Variants in DENND5A observed in about 807,000 individuals in gnomAD.
The protein encoded by DENND5A is DENN domain containing 5A, also known as DENN domain-containing protein 5A.
In DENND5A, 64 loss-of-function variants were observed where a neutral mutation model predicts 140.3. The observed-to-expected ratio is 0.46, with a 90% CI of 0.37 to 0.56. The LOEUF (loss-of-function observed/expected upper bound fraction) is 0.56, where lower values mean the gene tolerates loss of function less well. Ranked by LOEUF, DENND5A falls within the 20% of genes least tolerant of loss-of-function variation. The pLI is 0.00. For missense variants in DENND5A, 1,292 were observed against 1,593.8 expected (o/e 0.81, Z 3.22); for synonymous variants, 605 against 607.7 (o/e 1.00, Z 0.07).
rs568548960 is a variant in DENND5A, at chr11:9,192,946, C to T, written c.1137+548G>A. ...ATTTTAAATCAATTCTTTTCTTAGCCAGGCACAGTGGCTCATGCCTATAAT... is the reference window on the plus strand; with the variant it reads ...ATTTTAAATCAATTCTTTTCTTAGCTAGGCACAGTGGCTCATGCCTATAAT... On this transcript the variant is annotated intron_variant, in intron 5 of 22. Coordinates refer to ENST00000328194, the MANE Select transcript of DENND5A (RefSeq NM_015213.4). Among the ~76,000 whole-genome samples the T allele has an allele frequency of 6.9e-4, 105 of 152,326 alleles. 2 individuals carry two copies. Among genetic ancestry groups the T allele is most frequent in the Non-Finnish European group, 1.3e-3 (86 of 68,028 alleles).
chr11:9,249,041 C>T (rs1247512789), intron 1 of DENND5A, among the ~76,000 whole-genome samples: 3 of 152,062 alleles, frequency 2.0e-5, no homozygotes, highest in African/African-American at 4.8e-5. Flanking sequence ...TCCTGGCTAA[C>T]GTGGTGAAAC....
chr11:9,229,993 C>T (rs947034098), intron 1 of DENND5A, among the ~76,000 whole-genome samples: 1 of 147,444 alleles, frequency 6.8e-6, no homozygotes, highest in African/African-American at 2.5e-5. Flanking sequence ...CAAGCTCCAC[C>T]TCCCGGGTTC....
At chr11:9,224,843 G>A (rs1351269930) in intron 1 of DENND5A, among the ~76,000 whole-genome samples, 1 of 139,904 alleles carries the variant, frequency 7.1e-6, no homozygotes, top group Non-Finnish European at 1.5e-5. Flanking sequence ...GGGCAACAGA[G>A]CAAGACTCCA....
chr11:9,215,152 T>C (rs1428863981), intron 1 of DENND5A, among the ~76,000 whole-genome samples: 2 of 152,212 alleles, frequency 1.3e-5, no homozygotes, highest in Non-Finnish European at 2.9e-5. Flanking sequence ...GTTCACTCTC[T>C]TTCTCAATAC....
At chr11:9,234,599 C>T (rs541526568) in intron 1 of DENND5A, among the ~76,000 whole-genome samples, 2 of 152,308 alleles carry the variant, frequency 1.3e-5, no homozygotes, top group East Asian at 3.9e-4. Context: ...TTCGCGATGG[C>T]CCTGACGCCC....
chr11:9,139,722 C>T lies in DENND5A; in HGVS notation c.3813G>A (p.Gln1271=). Residue 1271 remains glutamine, a synonymous_variant, in exon 23 of 23, where the codon CAG becomes CAA. Transcript: ENST00000328194. ...ACGTCTCCAGCGTGATGTTGAACTC[C>T]TGCAATGTCTGCAGCACACGAATCA... ...NSLIRVLQTL[Q]EFNITLETSL... 2 of 1,614,016 alleles carry T rather than the reference C, an allele frequency of 1.2e-6. No individual in the cohort carries two copies. Among genetic ancestry groups the T allele is most frequent in the Non-Finnish European group, 1.7e-6 (2 of 1,180,008 alleles).
At chr11:9,243,460 G>C (rs983639800) in intron 1 of DENND5A, among the ~76,000 whole-genome samples, 5 of 152,072 alleles carry the variant, frequency 3.3e-5, no homozygotes, top group Non-Finnish European at 7.4e-5. Context: ...CTTATACATA[G>C]ATTTTCTTCC....
rs546995925 is a variant in DENND5A at position 9,195,184 on chromosome 11, G to A, written c.950-1503C>T. Among the ~76,000 whole-genome samples the A allele has an allele frequency of 2.0e-5, 3 of 151,082 alleles. No individual in the cohort carries two copies. The South Asian group carries it at 6.3e-4, about 32-fold the overall frequency. The stretch of plus-strand genomic sequence containing the variant: ...CAACCTCCACCTCCCGGGTTTAAGC[G>A]ATTCTCCTGCCTCAGCCTCCTGAGT... On this transcript the variant is annotated intron_variant, in intron 4 of 22. Transcript: ENST00000328194.
At chr11:9,237,387 A>G (rs1851048607) in intron 1 of DENND5A, among the ~76,000 whole-genome samples, 1 of 152,044 alleles carries the variant, frequency 6.6e-6, no homozygotes, top group Admixed American at 6.6e-5. Flanking sequence ...GTACCACTGC[A>G]CTCCAGCCTG....
chr11:9,160,730 C>T lies in DENND5A; in HGVS notation c.2419G>A (p.Gly807Arg). 1 of 1,612,890 alleles carries T rather than the reference C, an allele frequency of 6.2e-7. No homozygotes were observed. Residue 807 changes from glycine (G) to arginine (R), a missense_variant, in exon 12 of 23, where the codon GGA (glycine) becomes AGA (arginine). By Grantham distance (125) the Gly-to-Arg change is moderately radical. Around this residue, in one of 4 missense-constraint regions of DENND5A, gnomAD observed 498 missense variants for 689.7 expected, o/e 0.72. Transcript: ENST00000328194. The part of the protein sequence containing the change: ...CDLLERIWSH[G>R]LQVKQGKSAL... ...TACATTACCTGTTTCACTTGTAGTC[C>T]ATGACTCCAGATCCTTTCCAGGAGA...
chr11:9,248,763 T>C (rs1024908498), intron 1 of DENND5A, among the ~76,000 whole-genome samples: 1 of 152,150 alleles, frequency 6.6e-6, no homozygotes, highest in Non-Finnish European at 1.5e-5. Flanking sequence ...ATTTTACTTT[T>C]GGTTTACACA....
Position 9,145,104 on chromosome 11 carries a change from A to G in DENND5A, c.3013T>C (p.Leu1005=), listed in dbSNP as rs151179105. 4.3e-5 allele frequency: 69 copies of G among 1,611,210 alleles called. No individual in the cohort carries two copies. In the African/African-American group the frequency reaches 8.7e-4, roughly 20 times the overall value. The change falls in exon 18 of 23, where the codon TTG becomes CTG. Residue 1005 remains leucine (L), a synonymous_variant. Transcript: ENST00000328194. ...VLEMTFECQN[L]GKLTTVQIGH... Reference sequence around the variant, plus strand: ...ATCTGGACAGTAGTAAGCTTCCCCAAGTTCTGGCACTATTAGAGAATAGAG... The same window carrying G: ...ATCTGGACAGTAGTAAGCTTCCCCAGGTTCTGGCACTATTAGAGAATAGAG...
intron 1 of DENND5A, among the ~76,000 whole-genome samples, chr11:9,208,945 G>A (rs894873323): frequency 1.3e-5 from 2 of 152,222 alleles, no homozygotes; most frequent in African/African-American, 4.8e-5. Flanking sequence ...TGGTAAGCCT[G>A]CACTTACTGT....
At position 9,169,897 on chromosome 11, in the gene DENND5A, GCTTCTGCCGAT is replaced by G; in HGVS notation, c.2099_2109del (p.Asp700AlafsTer10). 6.2e-7 allele frequency: 1 copy of G among 1,613,734 alleles called. No homozygotes were observed. The highest frequency in any genetic ancestry group is 8.5e-7 in the Non-Finnish European group (1 of 1,179,664). On this transcript the variant is annotated frameshift_variant, in exon 10 of 23. Coordinates refer to ENST00000328194, the MANE Select transcript of DENND5A (RefSeq NM_015213.4). LOFTEE classifies it high-confidence loss of function. Reference sequence around the variant, plus strand: ...TCTAAACGCAGGTGTTCTGTGTGCTGCTTCTGCCGATCTTTCCGCCTCCACTGGGCAGGGGC... The same window carrying G: ...TCTAAACGCAGGTGTTCTGTGTGCTGCTTTCCGCCTCCACTGGGCAGGGGC...
intron 8 of DENND5A, chr11:9,171,120 T>G (rs748752054): frequency 8.4e-6 from 2 of 238,878 alleles, no homozygotes; most frequent in Non-Finnish European, 1.6e-5. Flanking sequence ...ACTCCCTGAG[T>G]TAAGGAGACC....
At chr11:9,153,965 G>A (rs1304971717) in intron 12 of DENND5A, among the ~76,000 whole-genome samples, 2 of 152,188 alleles carry the variant, frequency 1.3e-5, no homozygotes. Context: ...TCATCGTTCA[G>A]TACATCATAA....
intron 11 of DENND5A, among the ~76,000 whole-genome samples, chr11:9,164,545 G>A (rs1208211911): frequency 6.6e-6 from 1 of 151,986 alleles, no homozygotes; most frequent in African/African-American, 2.4e-5. Context: ...ATGGTATGCT[G>A]CCTTGGTTGA....
At chr11:9,250,148 C>T (rs1375608617) in intron 1 of DENND5A, among the ~76,000 whole-genome samples, 1 of 151,484 alleles carries the variant, frequency 6.6e-6, no homozygotes, top group Non-Finnish European at 1.5e-5. Flanking sequence ...CGAACTACAA[C>T]TACAAAACAT....
At chr11:9,140,321 T>C (rs1305679609) in intron 22 of DENND5A, 9 of 778,602 alleles carry the variant, frequency 1.2e-5, no homozygotes, top group Non-Finnish European at 1.5e-5. Context: ...GGAAGTTAAG[T>C]AGCTTGTCCA....
Sources: allele counts gnomAD v4.1 joint callset (sites outside exome capture counted in the v4.1 genomes callset), GRCh38; gene constraint gnomAD v4.1.1; regional missense constraint gnomAD v4.1.1; transcripts MANE v1.5; gene names NCBI Gene and HGNC (gene_info 2026-07-23, HGNC 2026-07-21).